The following TIAM2 variants were observed in gnomAD, a reference collection of about 807,000 sequenced individuals.
The protein encoded by TIAM2 is rho guanine nucleotide exchange factor TIAM2.
A neutral mutation model predicts 152.9 loss-of-function variants in TIAM2; 80 were observed. That is an observed-to-expected ratio of 0.52 (90% confidence interval 0.44 to 0.63). The LOEUF (loss-of-function observed/expected upper bound fraction) is 0.63. Among genes scored for constraint, TIAM2 ranks in the 30% least tolerant of loss-of-function variants. The probability of loss-of-function intolerance (pLI) is 0.00; values close to 1 mark genes in which losing one functional copy is unlikely to be tolerated. For missense variants in TIAM2, 1,965 were observed against 2,120.1 expected, an observed-to-expected ratio of 0.93 and a Z score of 1.44; for synonymous variants, 804 against 838.0, an observed-to-expected ratio of 0.96 and a Z score of 0.70.
At chr6:155,227,707 TG>T (rs1267128148) in intron 15 of TIAM2, among the ~76,000 whole-genome samples, 1 of 152,228 alleles carries the variant, frequency 6.6e-6, no homozygotes, top group Non-Finnish European at 1.5e-5. Context: ...CACGACTTTT[TG>T]GTTCTTTAGC....
intron 1 of TIAM2, among the ~76,000 whole-genome samples, chr6:155,086,011 C>CT (rs1244810879): frequency 6.6e-6 from 1 of 152,246 alleles, no homozygotes; most frequent in Non-Finnish European, 1.5e-5. Flanking sequence ...TCCCGGCCCA[C>CT]TGCAAATTCT....
Position 155,172,684 on chromosome 6 carries a change from ATATTTTTTT to A in TIAM2, c.2362-4130_2362-4122del, listed in dbSNP as rs1780651787. ...TATATATATATATATATATATATATATATTTTTTTTTTTTTTTTTTTTTTTTTTCTTTGA... is the reference window on the plus strand; with the variant it reads ...TATATATATATATATATATATATATATTTTTTTTTTTTTTTTTTTCTTTGA... On this transcript the variant is annotated intron_variant, in intron 9 of 26. Transcript: ENST00000682666. Among the ~76,000 whole-genome samples the A allele has an allele frequency of 7.3e-4, 10 of 13,720 alleles. No homozygotes were observed. The Admixed American group carries it at 0.011, about 15-fold the overall frequency. The allele number at this position is 13,720 out of a possible 152,430, so 9.0% of individuals were successfully genotyped here. A position where few individuals can be genotyped will look rare whatever the true frequency, so the allele number is the denominator to read the frequency against.
intron 15 of TIAM2, among the ~76,000 whole-genome samples, chr6:155,229,780 C>G (rs534914266): frequency 2.0e-5 from 3 of 152,284 alleles, no homozygotes; most frequent in African/African-American, 7.2e-5. Context: ...TTAATGGACT[C>G]ACAGTTCCAC....
chr6:155,228,154 T>C (rs60112652), intron 15 of TIAM2, among the ~76,000 whole-genome samples: 2,419 of 152,256 alleles, frequency 0.016, 48 homozygotes, highest in South Asian at 0.057. Context: ...CAAAGCTGGG[T>C]GGACACAGCC....
intron 1 of TIAM2, among the ~76,000 whole-genome samples, chr6:155,019,898 C>A (rs1166101851): frequency 6.6e-6 from 1 of 152,136 alleles, no homozygotes; most frequent in East Asian, 1.9e-4. Flanking sequence ...ACTAAACATA[C>A]AAAAATTAGC....
intron 2 of TIAM2, among the ~76,000 whole-genome samples, chr6:155,107,004 C>G (rs936160207): frequency 6.6e-6 from 1 of 152,166 alleles, no homozygotes; most frequent in Non-Finnish European, 1.5e-5. Flanking sequence ...TAGCTCTCAA[C>G]GGCTGAGCAT....
At chr6:155,053,484 T>A (rs1335459189) in intron 1 of TIAM2, among the ~76,000 whole-genome samples, 1 of 148,464 alleles carries the variant, frequency 6.7e-6, no homozygotes, top group Non-Finnish European at 1.5e-5. Flanking sequence ...TTTTTTTTTT[T>A]AAATTTAGAC....
chr6:155,173,718 C>T (rs1780693053), intron 9 of TIAM2, among the ~76,000 whole-genome samples: 1 of 152,214 alleles, frequency 6.6e-6, no homozygotes, highest in African/African-American at 2.4e-5. Context: ...AAGACAAAGC[C>T]TCTGCTGGTA....
intron 2 of TIAM2, among the ~76,000 whole-genome samples, chr6:155,124,776 A>G (rs1779252451): frequency 6.6e-6 from 1 of 152,082 alleles, no homozygotes; most frequent in Non-Finnish European, 1.5e-5. Context: ...TGCCGGCAGT[A>G]TAGCAGCCAC....
In TIAM2 at chr6:155,244,147, C is replaced by T. The variant is rs922285118; in HGVS notation, c.3417+68C>T. 3.6e-6 allele frequency: 5 copies of T among 1,399,508 alleles called. No individual in the cohort carries two copies. In the African/African-American group the frequency reaches 7.1e-5, roughly 20 times the overall value. The allele number at this position is 1,399,508 out of a possible 1,614,324, so 86.7% of individuals were successfully genotyped here. ...AGTCTCTGTTTGCCTTTTAGCAGAA[C>T]TCCTATGAGAGTATCTCTGTTGATC... On this transcript the variant is annotated intron_variant, in intron 17 of 26. Transcript: ENST00000682666.
chr6:155,183,619 A>G (rs1780965686), intron 14 of TIAM2, 119 bp downstream of exon 14: 1 of 1,272,752 alleles, frequency 7.9e-7, no homozygotes, highest in East Asian at 2.5e-5. Flanking sequence ...TTTCTAATTT[A>G]TTAGAAGAAC....
At chr6:155,009,248 T>C (rs1778448164) in intron 1 of TIAM2, among the ~76,000 whole-genome samples, 1 of 151,948 alleles carries the variant, frequency 6.6e-6, no homozygotes, top group Admixed American at 6.6e-5. Context: ...ACTACAGCCG[T>C]GAGCCACCAT....
chr6:155,179,139 A>G lies in TIAM2; in HGVS notation c.2624A>G (p.Gln875Arg). ...CIPAPYEYMQ[Q>R]QVYDEIEVFP... is the part of the protein sequence containing the mutation. ...CCTGCACCATATGAATATATGCAACAACAGGTAAGTGTGCACTAGCTTTAG... is the reference window on the plus strand; with the variant it reads ...CCTGCACCATATGAATATATGCAACGACAGGTAAGTGTGCACTAGCTTTAG... Residue 875 changes from glutamine to arginine, a missense_variant, in exon 11 of 27, where the codon CAA (glutamine) becomes CGA (arginine). Coordinates refer to ENST00000682666, the MANE Select transcript of TIAM2 (RefSeq NM_012454.4). 1.9e-6 allele frequency: 3 copies of G among 1,612,248 alleles called. No individual in the cohort carries two copies. Among genetic ancestry groups the G allele is most frequent in the Non-Finnish European group, 2.5e-6 (3 of 1,178,812 alleles).
chr6:155,182,506 G>A (rs3792967), intron 13 of TIAM2, among the ~76,000 whole-genome samples, 188 bp downstream of exon 13: 107,346 of 152,040 alleles, frequency 0.71, 38,089 homozygotes, highest in African/African-American at 0.77. Flanking sequence ...AAACCCAGCT[G>A]CTCAGGAGGC....
intron 1 of TIAM2, among the ~76,000 whole-genome samples, chr6:154,996,655 T>G (rs1339789495): frequency 6.6e-6 from 1 of 152,216 alleles, no homozygotes; most frequent in Non-Finnish European, 1.5e-5. Context: ...AATGTTTCAG[T>G]CCTAGGCTCT....
At chr6:155,089,468 A>G (rs1778250099) in intron 1 of TIAM2, among the ~76,000 whole-genome samples, 1 of 152,102 alleles carries the variant, frequency 6.6e-6, no homozygotes, top group South Asian at 2.1e-4. Context: ...TGGCCTCCCA[A>G]AGTGCTGGGA....
chr6:155,102,156 C>T (rs1778565504), intron 2 of TIAM2, among the ~76,000 whole-genome samples: 1 of 151,178 alleles, frequency 6.6e-6, no homozygotes, highest in Admixed American at 6.6e-5. Context: ...GCCACCATGC[C>T]TGGCTAATTT....
intron 18 of TIAM2, among the ~76,000 whole-genome samples, chr6:155,245,400 C>CT (rs1783260611): frequency 2.0e-5 from 3 of 152,250 alleles, no homozygotes; most frequent in Admixed American, 2.0e-4. Context: ...GGATTGCACA[C>CT]TGTCAGTAGG....
chr6:155,005,177 C>T, intron 1 of TIAM2: 1 of 227,274 alleles, frequency 4.4e-6, no homozygotes, highest in Non-Finnish European at 9.5e-6. Flanking sequence ...GCAGCTTGTC[C>T]CTCATTTCCC....
Sources: gnomAD v4.1 joint callset for allele counts (sites outside exome capture counted in the v4.1 genomes callset) on GRCh38, gnomAD v4.1.1 for gene constraint, MANE v1.5 for transcripts, NCBI Gene and HGNC (gene_info 2026-07-23, HGNC 2026-07-21) for gene names.